The following CRK variants were observed in gnomAD, a reference collection of about 807,000 sequenced individuals.
The protein encoded by CRK is CRK proto-oncogene, adaptor protein.
A neutral mutation model predicts 29.8 loss-of-function variants in CRK; 4 were observed. That is an observed-to-expected ratio of 0.13 (90% CI 0.07 to 0.31). CRK has a LOEUF of 0.31. Among genes scored for constraint, CRK ranks in the 10% least tolerant of loss-of-function variants. The probability of loss-of-function intolerance (pLI) is 1.00; values close to 1 mark genes in which losing one functional copy is unlikely to be tolerated. For missense variants in CRK, 274 were observed against 396.5 expected (o/e 0.69, Z 2.62); for synonymous variants, 153 against 164.9 (o/e 0.93, Z 0.55).
chr17:1,432,173 T>C (rs1046625428), intron 2 of CRK, among the ~76,000 whole-genome samples: 3 of 152,114 alleles, frequency 2.0e-5, no homozygotes, highest in South Asian at 2.1e-4. Flanking sequence ...GATTTGAGAC[T>C]GCACTCTGAA....
intron 2 of CRK, among the ~76,000 whole-genome samples, chr17:1,430,037 C>G (rs1028487348): frequency 6.7e-6 from 1 of 149,116 alleles, no homozygotes; most frequent in African/African-American, 2.5e-5. Flanking sequence ...TATGCCATAA[C>G]TCAAATGATT....
intron 2 of CRK, among the ~76,000 whole-genome samples, chr17:1,430,045 A>AT (rs34475007): frequency 0.15 from 20,414 of 133,380 alleles, 1,617 homozygotes; most frequent in African/African-American, 0.23. Context: ...AACTCAAATG[A>AT]TTTTTTTTTT....
chr17:1,430,935 G>A (rs1261357412), intron 2 of CRK, among the ~76,000 whole-genome samples: 5 of 152,006 alleles, frequency 3.3e-5, no homozygotes, highest in Middle Eastern at 3.4e-3. Flanking sequence ...GGGCGTGGTA[G>A]CAGGCGCCTG....
rs1444177734 is a variant in CRK, at chr17:1,453,819, A to C, written c.241+2058T>G. 2.0e-5 allele frequency among the ~76,000 whole-genome samples: 3 copies of C among 152,190 alleles called. No individual in the cohort carries two copies. In the East Asian group the frequency reaches 5.8e-4, roughly 29 times the overall value. ...CTACTAGGGAGGCTGAGACAGGAGA[A>C]TCCTTTGAACCCGGGGAGGTAGAGA... is the stretch of plus-strand genomic sequence containing the variant. On this transcript the variant is annotated intron_variant, in intron 1 of 2. Coordinates refer to ENST00000300574, the MANE Select transcript of CRK (RefSeq NM_016823.4).
Position 1,423,132 on chromosome 17 carries a change from C to G in CRK, c.*381G>C. On this transcript the variant is annotated 3_prime_UTR_variant, in exon 3 of 3. Coordinates refer to ENST00000300574, the MANE Select transcript of CRK (RefSeq NM_016823.4). ...TCTGTCGCCATTTGATAGTATGGTT[C>G]CAGAATGAAAACAAAACCACTGAAT... The G allele has an allele frequency of 2.3e-6, 1 of 431,354 alleles. No individual in the cohort carries two copies. The highest frequency in any genetic ancestry group is 4.1e-6 in the Non-Finnish European group (1 of 246,012). 26.7% of individuals were successfully genotyped at this position (431,354 alleles called of 1,614,324 possible).
intron 2 of CRK, among the ~76,000 whole-genome samples, chr17:1,433,928 G>A (rs2073867349): frequency 6.6e-6 from 1 of 150,568 alleles, no homozygotes; most frequent in African/African-American, 2.5e-5. Flanking sequence ...TCAAACACCT[G>A]GACTCAAGCG....
rs116322780 is a variant in CRK at position 1,453,181 on chromosome 17, G to C, written c.241+2696C>G. Among the ~76,000 whole-genome samples, 960 of 152,248 alleles carry C rather than the reference G, an allele frequency of 6.3e-3. 9 individuals are homozygous for C. The highest frequency in any genetic ancestry group is 0.021 in the African/African-American group (892 of 41,536). On this transcript the variant is annotated intron_variant, in intron 1 of 2. Coordinates refer to ENST00000300574, the MANE Select transcript of CRK (RefSeq NM_016823.4). ...CAGAAAGAATTATCACAATACTCGT[G>C]AATTTTCCACACCCCATCCATAAAC...
rs1246927893 is a variant in CRK at position 1,443,442 on chromosome 17, A to T, written c.242-6287T>A. Among the ~76,000 whole-genome samples the T allele has an allele frequency of 3.3e-5, 5 of 151,394 alleles. No homozygotes were observed. In the East Asian group the frequency reaches 9.8e-4, roughly 30 times the overall value. On this transcript the variant is annotated intron_variant, in intron 1 of 2. Transcript: ENST00000300574. ...AGACAGAGTCTCACTGTTGCCCAGG[A>T]TGGAGGGCAGTGGTGCAATCTTGGC...
chr17:1,446,437 T>C (rs1440079875), intron 1 of CRK, among the ~76,000 whole-genome samples: 3 of 152,118 alleles, frequency 2.0e-5, no homozygotes, highest in African/African-American at 7.2e-5. Flanking sequence ...AAATACATTT[T>C]GGCGGGGAAA....
intron 1 of CRK, among the ~76,000 whole-genome samples, chr17:1,438,335 GC>G (rs2073905624): frequency 6.6e-6 from 1 of 152,024 alleles, no homozygotes; most frequent in Admixed American, 6.6e-5. Flanking sequence ...TCACTATGTT[GC>G]CCAGGCTAGT....
intron 2 of CRK, among the ~76,000 whole-genome samples, chr17:1,430,066 C>T (rs1341201915): frequency 1.4e-5 from 2 of 146,404 alleles, no homozygotes; most frequent in East Asian, 2.0e-4. Flanking sequence ...TTTTTAAAGA[C>T]AGAGTTTCGC....
At chr17:1,444,912 G>T (rs2073962876) in intron 1 of CRK, among the ~76,000 whole-genome samples, 1 of 152,024 alleles carries the variant, frequency 6.6e-6, no homozygotes, top group Non-Finnish European at 1.5e-5. Flanking sequence ...ACTCTGGGAG[G>T]CCGAGGCAGG....
chr17:1,434,813 A>G (rs986617704), intron 2 of CRK, among the ~76,000 whole-genome samples: 3 of 142,856 alleles, frequency 2.1e-5, no homozygotes, highest in Non-Finnish European at 3.1e-5. Context: ...AAAAAAATCC[A>G]AAAAAACCCA....
chr17:1,442,145 G>A (rs1410341255), intron 1 of CRK, among the ~76,000 whole-genome samples: 1 of 131,602 alleles, frequency 7.6e-6, no homozygotes, highest in South Asian at 2.5e-4. Context: ...GTGTGAGCCA[G>A]GGCGCCCGGC....
intron 2 of CRK, among the ~76,000 whole-genome samples, chr17:1,434,031 T>G (rs573685043): frequency 1.3e-5 from 2 of 152,168 alleles, no homozygotes; most frequent in African/African-American, 4.8e-5. Flanking sequence ...GCAGCTTTAT[T>G]GGAACACAGC....
intron 2 of CRK, among the ~76,000 whole-genome samples, chr17:1,432,769 TC>T: frequency 7.6e-6 from 1 of 131,500 alleles, no homozygotes; most frequent in South Asian, 2.3e-4. Flanking sequence ...AAAGCGAGAC[TC>T]CGTCTCAAAA....
intron 1 of CRK, among the ~76,000 whole-genome samples, chr17:1,439,517 ACT>A (rs1377183569): frequency 1.3e-5 from 2 of 152,022 alleles, no homozygotes; most frequent in Non-Finnish European, 2.9e-5. Flanking sequence ...GTAATAAACA[ACT>A]CTCTAATAAT....
intron 2 of CRK, among the ~76,000 whole-genome samples, chr17:1,433,665 C>CCCA (rs967005490): frequency 1.5e-4 from 22 of 151,408 alleles, no homozygotes; most frequent in Admixed American, 1.3e-3. Flanking sequence ...ATTACAGGCG[C>CCCA]CCACCACCAC....
chr17:1,423,753 G>C (rs2073749889), intron 2 of CRK, 103 bp from the exon 3 acceptor site: 4 of 1,434,228 alleles, frequency 2.8e-6, no homozygotes, highest in African/African-American at 1.4e-5. Context: ...GACTGCTCTA[G>C]GGATATTACA....
Sources: gnomAD v4.1 joint callset for allele counts (sites outside exome capture counted in the v4.1 genomes callset) on GRCh38, gnomAD v4.1.1 for gene constraint, MANE v1.5 for transcripts, NCBI Gene and HGNC (gene_info 2026-07-23, HGNC 2026-07-21) for gene names.